Variants in HDAC8 observed in about 807,000 individuals in gnomAD.
The protein encoded by HDAC8 is histone deacetylase 8, also known as histone deacetylase-like 1.
HDAC8 carries 1 observed loss-of-function variant against 32.2 expected under a neutral mutation model. The ratio of observed to expected loss-of-function variants is 0.03; its 90% CI spans 0.01 to 0.15. The LOEUF (loss-of-function observed/expected upper bound fraction) is 0.15, where lower values mean the gene tolerates loss of function less well. Among genes scored for constraint, HDAC8 ranks in the 10% least tolerant of loss-of-function variants. HDAC8 has a pLI of 1.00. For missense variants in HDAC8, 117 were observed against 300.0 expected, an observed-to-expected ratio of 0.39 and a Z score of 4.51; for synonymous variants, 108 against 113.9, an observed-to-expected ratio of 0.95 and a Z score of 0.33.
chrX:72,338,391 G>A (rs1461029637), intron 10 of HDAC8, among the ~76,000 whole-genome samples: 1 of 110,185 alleles, frequency 9.1e-6, no homozygotes, highest in African/African-American at 3.3e-5. Context: ...TGTGGGTAAG[G>A]TGAGCAAACA....
intron 7 of HDAC8, among the ~76,000 whole-genome samples, chrX:72,465,423 G>GTT (rs373742210): frequency 9.9e-5 from 10 of 100,873 alleles, no homozygotes; most frequent in African/African-American, 3.6e-4. Context: ...CAACCTAGCT[G>GTT]TTTTTTTTTT....
chrX:72,426,143 A>T (rs1229086437), intron 9 of HDAC8, among the ~76,000 whole-genome samples: 1 of 112,353 alleles, frequency 8.9e-6, no homozygotes, highest in African/African-American at 3.2e-5. Flanking sequence ...TTCCAGTCTG[A>T]CTTTTCCATC....
At chrX:72,476,386 G>A (rs1293155221) in intron 7 of HDAC8, among the ~76,000 whole-genome samples, 2 of 110,779 alleles carry the variant, frequency 1.8e-5, no homozygotes, top group Non-Finnish European at 3.8e-5. Flanking sequence ...AATGGAAGAA[G>A]ACCTAAAGAA....
chrX:72,562,602 C>T (rs2051611763), intron 4 of HDAC8, among the ~76,000 whole-genome samples: 1 of 110,217 alleles, frequency 9.1e-6, no homozygotes. Context: ...GATGGGTGCA[C>T]CAAAAGCTCA....
chrX:72,373,889 T>C (rs1478940524), intron 9 of HDAC8, among the ~76,000 whole-genome samples: 1 of 112,272 alleles, frequency 8.9e-6, no homozygotes, highest in Non-Finnish European at 1.9e-5. Context: ...ATTGTCATCC[T>C]AGTAGGAGTG....
chrX:72,355,358 A>C (rs2059678914), intron 9 of HDAC8, among the ~76,000 whole-genome samples: 1 of 112,072 alleles, frequency 8.9e-6, no homozygotes, highest in Admixed American at 9.4e-5. Flanking sequence ...GCTGACCTTC[A>C]AGGGAAAATG....
At chrX:72,392,504 A>G (rs1196827583) in intron 9 of HDAC8, among the ~76,000 whole-genome samples, 3 of 110,877 alleles carry the variant, frequency 2.7e-5, no homozygotes, top group African/African-American at 1.0e-4. Flanking sequence ...GATCCCAAAG[A>G]GTCAGTGTTG....
chrX:72,490,378 A>C lies in HDAC8; in HGVS notation c.628+551T>G, dbSNP rs1195912389. 1.8e-4 allele frequency among the ~76,000 whole-genome samples: 19 copies of C among 108,262 alleles called. No individual in the cohort carries two copies. In the Admixed American group the frequency reaches 1.8e-3, roughly 10 times the overall value. The allele number at this position is 108,262 out of a possible 115,157, so 94.0% of individuals were successfully genotyped here. ...CAAATGTCCAACAATGATAGACTGG[A>C]TTAAGAAAATGTGGCACATATACAC... On this transcript the variant is annotated intron_variant, in intron 6 of 10. Transcript: ENST00000373573.
intron 9 of HDAC8, among the ~76,000 whole-genome samples, chrX:72,371,381 G>C (rs782681628): frequency 4.6e-4 from 51 of 111,744 alleles, no homozygotes; most frequent in African/African-American, 1.6e-3. Context: ...AAATTAGTTT[G>C]AGCATGCTAA....
At chrX:72,438,636 A>C (rs2047024258) in intron 9 of HDAC8, among the ~76,000 whole-genome samples, 1 of 111,260 alleles carries the variant, frequency 9.0e-6, no homozygotes, top group Non-Finnish European at 1.9e-5. Context: ...GATGGAGCTG[A>C]AAAACACAGC....
intron 9 of HDAC8, among the ~76,000 whole-genome samples, chrX:72,408,967 G>T (rs182991520): frequency 4.5e-3 from 507 of 111,808 alleles, no homozygotes; most frequent in African/African-American, 0.015. Context: ...TATAGGGAAA[G>T]AAATATAGGT....
intron 4 of HDAC8, among the ~76,000 whole-genome samples, chrX:72,509,792 G>A (rs1231482663): frequency 9.1e-6 from 1 of 110,157 alleles, no homozygotes; most frequent in East Asian, 2.8e-4. Flanking sequence ...TTTCTCCTTC[G>A]TGTCTACTCC....
At chrX:72,566,178 G>A (rs1264291675) in intron 4 of HDAC8, among the ~76,000 whole-genome samples, 1 of 109,626 alleles carries the variant, frequency 9.1e-6, no homozygotes, top group African/African-American at 3.3e-5. Context: ...AAAGAAAGAG[G>A]CCAGGTGTGG....
At chrX:72,459,957 T>C (rs1389448133) in intron 9 of HDAC8, among the ~76,000 whole-genome samples, 1 of 111,898 alleles carries the variant, frequency 8.9e-6, no homozygotes, top group Non-Finnish European at 1.9e-5. Context: ...TTATTGTACC[T>C]GTAAGACTGT....
intron 9 of HDAC8, among the ~76,000 whole-genome samples, chrX:72,358,484 G>A (rs1165518881): frequency 2.7e-5 from 3 of 111,831 alleles, no homozygotes; most frequent in Non-Finnish European, 3.8e-5. Flanking sequence ...GACTAATGGC[G>A]GGTAGCATAG....
chrX:72,559,861 G>A lies in HDAC8; in HGVS notation c.437+8028C>T, dbSNP rs9262674. On this transcript the variant is annotated intron_variant, in intron 4 of 10. Coordinates refer to ENST00000373573, the MANE Select transcript of HDAC8 (RefSeq NM_018486.3). ...CTGCCCCGTCTGGGAAGTGAGGAGC[G>A]TCTCCGCCTGGCAGCCACCCCGTCC... is the stretch of plus-strand genomic sequence containing the variant. Among the ~76,000 whole-genome samples the A allele has an allele frequency of 5.5e-5, 6 of 108,781 alleles. 1 individual carries two copies. Among genetic ancestry groups the A allele is most frequent in the Non-Finnish European group, 9.6e-5 (5 of 52,050 alleles). The allele number at this position is 108,781 out of a possible 115,157, so 94.5% of individuals were successfully genotyped here.
At position 72,531,676 on chromosome X, in the gene HDAC8, T is replaced by C. The variant is rs139073659; in HGVS notation, c.437+36213A>G. Among the ~76,000 whole-genome samples the C allele has an allele frequency of 8.3e-3, 934 of 112,165 alleles. 15 individuals carry two copies. Among genetic ancestry groups the C allele is most frequent in the African/African-American group, 0.029 (887 of 30,769 alleles). On this transcript the variant is annotated intron_variant, in intron 4 of 10. Coordinates refer to ENST00000373573, the MANE Select transcript of HDAC8 (RefSeq NM_018486.3). ...ACCACTAATTTACATTCTGTCTCTA[T>C]AGATGTACCTATTCTGGATATTTCA...
intron 9 of HDAC8, among the ~76,000 whole-genome samples, chrX:72,435,152 G>A (rs1311518278): frequency 1.8e-5 from 2 of 111,720 alleles, no homozygotes; most frequent in African/African-American, 6.5e-5. Context: ...TTGTTTAAGG[G>A]TATTGGAGAA....
chrX:72,564,273 G>A (rs782541343), intron 4 of HDAC8, among the ~76,000 whole-genome samples: 6 of 112,275 alleles, frequency 5.3e-5, no homozygotes, highest in Non-Finnish European at 9.4e-5. Flanking sequence ...TTGTCTATTC[G>A]TGTTCTTTGT....
Sources: allele counts gnomAD v4.1 joint callset (sites outside exome capture counted in the v4.1 genomes callset), GRCh38; gene constraint gnomAD v4.1.1; transcripts MANE v1.5; gene names NCBI Gene and HGNC (gene_info 2026-07-23, HGNC 2026-07-21).